Variants in ST8SIA2 observed in about 807,000 individuals in gnomAD.
ST8SIA2 encodes alpha-2,8-sialyltransferase 8B.
Under a neutral mutation model 37.6 loss-of-function variants are expected in ST8SIA2, and 22 were observed. That is an observed-to-expected ratio of 0.58 (90% CI 0.42 to 0.83). The LOEUF is 0.83. Among genes scored for constraint, ST8SIA2 ranks in the 40% least tolerant of loss-of-function variants. The pLI, the probability that ST8SIA2 is intolerant of heterozygous loss-of-function variation, is 0.00. For missense variants in ST8SIA2, 382 were observed against 484.7 expected (o/e 0.79, Z 1.99); for synonymous variants, 205 against 201.2 (o/e 1.02, Z -0.16).
intron 3 of ST8SIA2, 46 bp downstream of exon 3, chr15:92,434,421 C>T: frequency 6.2e-7 from 1 of 1,613,354 alleles, no homozygotes; most frequent in Non-Finnish European, 8.5e-7. Flanking sequence ...TGGTCTTGAG[C>T]ATACACGGGC....
At chr15:92,395,234 T>A (rs908633385) in intron 1 of ST8SIA2, among the ~76,000 whole-genome samples, 2 of 152,230 alleles carry the variant, frequency 1.3e-5, no homozygotes, top group Non-Finnish European at 2.9e-5. Flanking sequence ...AGAAGGTCTC[T>A]TCTTCTGTGG....
chr15:92,398,697 G>A lies in ST8SIA2; in HGVS notation c.98+4535G>A, dbSNP rs147214109. Among the ~76,000 whole-genome samples, 13 of 152,304 alleles carry A rather than the reference G, an allele frequency of 8.5e-5. No homozygotes were observed. The East Asian group carries it at 1.2e-3, about 14-fold the overall frequency. ...ATCCCCATTTATTGATGAAGAAACC[G>A]AGGCCTGGAGAGGTTGTATACCCTG... On this transcript the variant is annotated intron_variant, in intron 1 of 5. Coordinates refer to ENST00000268164, the MANE Select transcript of ST8SIA2 (RefSeq NM_006011.4).
At chr15:92,452,505 A>ACC (rs1239868352) in intron 5 of ST8SIA2, among the ~76,000 whole-genome samples, 3 of 152,212 alleles carry the variant, frequency 2.0e-5, no homozygotes, top group African/African-American at 7.2e-5. Flanking sequence ...CCAATTTTCT[A>ACC]AACAGGAGGA....
At chr15:92,435,437 TA>T (rs767258553) in intron 3 of ST8SIA2, among the ~76,000 whole-genome samples, 1 of 151,736 alleles carries the variant, frequency 6.6e-6, no homozygotes, top group African/African-American at 2.4e-5. Flanking sequence ...AGGCAAGGAA[TA>T]GGGGGGTAAG....
intron 1 of ST8SIA2, among the ~76,000 whole-genome samples, chr15:92,409,656 TCACCAG>T (rs1322045736): frequency 6.6e-6 from 1 of 152,196 alleles, no homozygotes; most frequent in Non-Finnish European, 1.5e-5. Context: ...CATTGCAGCA[TCACCAG>T]CACAGACTGT....
intron 5 of ST8SIA2, among the ~76,000 whole-genome samples, chr15:92,448,509 C>T (rs2049858461): frequency 6.6e-6 from 1 of 152,244 alleles, no homozygotes; most frequent in African/African-American, 2.4e-5. Flanking sequence ...GCACTGTGGC[C>T]TAGCATCAAA....
In ST8SIA2 at chr15:92,464,542, A is replaced by T; in HGVS notation, c.*157A>T. 2.7e-6 allele frequency: 2 copies of T among 748,918 alleles called. No homozygotes were observed. Among genetic ancestry groups the T allele is most frequent in the Non-Finnish European group, 4.5e-6 (2 of 445,216 alleles). The allele number at this position is 748,918 out of a possible 1,614,324, so 46.4% of individuals were successfully genotyped here. On this transcript the variant is annotated 3_prime_UTR_variant, in exon 6 of 6. Coordinates refer to ENST00000268164, the MANE Select transcript of ST8SIA2 (RefSeq NM_006011.4). ...CCAGAATATATATATCTATACCTGC[A>T]TATATATATTGACCTGAGTATTTAT...
At chr15:92,417,374 T>A (rs2049595164) in intron 1 of ST8SIA2, among the ~76,000 whole-genome samples, 1 of 152,044 alleles carries the variant, frequency 6.6e-6, no homozygotes, top group Non-Finnish European at 1.5e-5. Flanking sequence ...GACTTCAAAG[T>A]CCTCCCCAAA....
At chr15:92,401,256 C>T (rs548940713) in intron 1 of ST8SIA2, among the ~76,000 whole-genome samples, 36 of 152,288 alleles carry the variant, frequency 2.4e-4, no homozygotes, top group Middle Eastern at 3.4e-3. Context: ...GGTGAGACAC[C>T]GTCGCCTGTG....
intron 5 of ST8SIA2, among the ~76,000 whole-genome samples, chr15:92,445,280 ATTT>A (rs5814540): frequency 6.6e-6 from 1 of 152,088 alleles, no homozygotes; most frequent in Admixed American, 6.5e-5. Context: ...CAGGTGTGTG[ATTT>A]TCAAGAAAAT....
chr15:92,429,220 A>G (rs2049697503), intron 1 of ST8SIA2, among the ~76,000 whole-genome samples: 1 of 152,234 alleles, frequency 6.6e-6, no homozygotes, highest in Non-Finnish European at 1.5e-5. Flanking sequence ...TTTTTAATTA[A>G]TAAAAATAAT....
rs748759839 is a variant in ST8SIA2, at chr15:92,394,027, C to A, written c.-38C>A. On this transcript the variant is annotated 5_prime_UTR_variant, in exon 1 of 6. Transcript: ENST00000268164. ...TGCGCCCTCCGGCCCCTGCTCCTCG[C>A]GCCGGCCCGCGTGGGTCCCGGCGGG... is the stretch of plus-strand genomic sequence containing the variant. 3.3e-6 allele frequency: 5 copies of A among 1,515,032 alleles called. No individual in the cohort carries two copies. In the South Asian group the frequency reaches 4.9e-5, roughly 15 times the overall value. The allele number at this position is 1,515,032 out of a possible 1,614,324, so 93.8% of individuals were successfully genotyped here.
At chr15:92,400,826 G>A (rs115177254) in intron 1 of ST8SIA2, among the ~76,000 whole-genome samples, 4,571 of 152,270 alleles carry the variant, frequency 0.03, 216 homozygotes, top group African/African-American at 0.1. Context: ...GGCGTTGAGA[G>A]CAGACCAGGA....
chr15:92,407,856 G>T (rs1019944191), intron 1 of ST8SIA2, among the ~76,000 whole-genome samples: 2 of 152,210 alleles, frequency 1.3e-5, no homozygotes, highest in Admixed American at 1.3e-4. Flanking sequence ...GATTCCTTTT[G>T]TGATAAATTC....
Position 92,434,372 on chromosome 15 carries a change from TC to T in ST8SIA2, c.288del (p.Arg97GlyfsTer5). ...WRHNQTLSLR[I>X]RKQILKFLDA... ...CATAACCAGACGCTCTCTCTGAGGA[TC>T]AGGTACTGGTAATTACCTACAGGAC... On this transcript the variant is annotated frameshift_variant and splice_region_variant, in exon 3 of 6. Transcript: ENST00000268164. LOFTEE classifies it high-confidence loss of function. The T allele has an allele frequency of 6.2e-7, 1 of 1,614,206 alleles. No homozygotes were observed. The highest frequency in any genetic ancestry group is 8.5e-7 in the Non-Finnish European group (1 of 1,180,038).
intron 4 of ST8SIA2, among the ~76,000 whole-genome samples, chr15:92,439,357 G>A (rs1253771545): frequency 6.6e-6 from 1 of 152,142 alleles, no homozygotes; most frequent in African/African-American, 2.4e-5. Flanking sequence ...TCATTTTCCA[G>A]TTGCCTGGGA....
Position 92,430,668 on chromosome 15 carries a change from C to A in ST8SIA2, c.161+557C>A, listed in dbSNP as rs551111858. On this transcript the variant is annotated intron_variant, in intron 2 of 5. Transcript: ENST00000268164. Reference sequence around the variant, plus strand: ...CAGGGGACAGCTTGATGCAGGACAGCGTGCAAACCCAGGCTTGCCCCTGGC... The same window carrying A: ...CAGGGGACAGCTTGATGCAGGACAGAGTGCAAACCCAGGCTTGCCCCTGGC... Among the ~76,000 whole-genome samples, 23 of 152,312 alleles carry A rather than the reference C, an allele frequency of 1.5e-4. No homozygotes were observed. The South Asian group carries it at 4.1e-3, about 27-fold the overall frequency.
intron 5 of ST8SIA2, among the ~76,000 whole-genome samples, chr15:92,457,573 G>A (rs2049928392): frequency 1.3e-5 from 2 of 152,168 alleles, no homozygotes; most frequent in South Asian, 2.1e-4. Context: ...CATTTGGGAA[G>A]GCAAAATTAA....
chr15:92,446,218 CT>C (rs1199939591), intron 5 of ST8SIA2, among the ~76,000 whole-genome samples: 1 of 152,156 alleles, frequency 6.6e-6, no homozygotes, highest in Admixed American at 6.5e-5. Context: ...GTCTCTCTCT[CT>C]TTATGTTATA....
Sources: gnomAD v4.1 joint callset for allele counts (sites outside exome capture counted in the v4.1 genomes callset) on GRCh38, gnomAD v4.1.1 for gene constraint, MANE v1.5 for transcripts, NCBI Gene and HGNC (gene_info 2026-07-23, HGNC 2026-07-21) for gene names.